The following PCDHGA4 variants were observed in gnomAD, a reference collection of about 807,000 sequenced individuals.
The protein encoded by PCDHGA4 is protocadherin gamma subfamily A, 4, also known as protocadherin gamma-A4.
PCDHGA4 carries 38 observed loss-of-function variants against 54.6 expected under a neutral mutation model. That is an observed-to-expected ratio of 0.70 (90% CI 0.54 to 0.91). The LOEUF is 0.91. Among genes scored for constraint, PCDHGA4 ranks in the 40% least tolerant of loss-of-function variants. The pLI is 0.00. For missense variants in PCDHGA4, 1,298 were observed against 1,220.9 expected (o/e 1.06, Z -0.94); for synonymous variants, 511 against 512.9 (o/e 1.00, Z 0.05).
intron 1 of PCDHGA4, chr5:141,360,800 A>G: frequency 6.2e-7 from 1 of 1,613,960 alleles, no homozygotes. Context: ...GACCCACCTC[A>G]AAGTGGCACG....
At chr5:141,392,693 C>T (rs1315405629) in intron 1 of PCDHGA4, 5 of 1,161,626 alleles carry the variant, frequency 4.3e-6, no homozygotes, top group Non-Finnish European at 5.8e-6. Context: ...GAAACCCGAC[C>T]CCTGTTTGGA....
chr5:141,415,654 A>G, intron 1 of PCDHGA4: 1 of 1,573,242 alleles, frequency 6.4e-7, no homozygotes. Flanking sequence ...AAAAAAAAAG[A>G]TTGGTTTTTA....
chr5:141,375,973 C>T (rs577451422), intron 1 of PCDHGA4: 6 of 1,613,256 alleles, frequency 3.7e-6, no homozygotes, highest in Non-Finnish European at 4.2e-6. Context: ...GCACGGCGCG[C>T]GCCCTGCTGG....
intron 1 of PCDHGA4, chr5:141,428,113 T>A: frequency 6.2e-7 from 1 of 1,607,492 alleles, no homozygotes; most frequent in Non-Finnish European, 8.5e-7. Flanking sequence ...CTGCAGGCCA[T>A]CGAGCCCGGG....
Position 141,491,995 on chromosome 5 carries a change from G to C in PCDHGA4, c.2515-2812G>C, listed in dbSNP as rs76332593. On this transcript the variant is annotated intron_variant, in intron 1 of 3. Transcript: ENST00000571252. The surrounding 1 kb of genome is among the most constrained non-coding windows in gnomAD (Gnocchi z 6.9). ...CTCCTTCGAGCTTCCGGTGAATTTC[G>C]GGCGATTTCCGCGGGTGTCGGGGGT... is the stretch of plus-strand genomic sequence containing the variant. 0.033 allele frequency: 22,941 copies of C among 696,644 alleles called. 426 individuals carry two copies. The highest frequency in any genetic ancestry group is 0.093 in the Middle Eastern group (249 of 2,666). The allele number at this position is 696,644 out of a possible 1,614,324, so 43.2% of individuals were successfully genotyped here. A position where few individuals can be genotyped will look rare whatever the true frequency, so the allele number is the denominator to read the frequency against.
rs115568443 is a variant in PCDHGA4 at position 141,439,423 on chromosome 5, A to G, written c.2515-55384A>G. On this transcript the variant is annotated intron_variant, in intron 1 of 3. Coordinates refer to ENST00000571252, the MANE Select transcript of PCDHGA4 (RefSeq NM_018917.4). ...TGTGCTAACATCACTGAGGTTATAA[A>G]TTCCCAGGAATATTTTATTGCGGGA... 1.0e-2 allele frequency among the ~76,000 whole-genome samples: 1,522 copies of G among 152,306 alleles called. 34 individuals carry two copies. Among genetic ancestry groups the G allele is most frequent in the African/African-American group, 0.034 (1,425 of 41,558 alleles).
At chr5:141,361,813 C>T in intron 1 of PCDHGA4, 1 of 1,613,122 alleles carries the variant, frequency 6.2e-7, no homozygotes, top group Non-Finnish European at 8.5e-7. Context: ...TGACAATGCG[C>T]CACGGGTGCT....
In PCDHGA4 at chr5:141,439,058, TGGCA is replaced by T. The variant is rs1241503235; in HGVS notation, c.2515-55745_2515-55742del. On this transcript the variant is annotated intron_variant, in intron 1 of 3. Transcript: ENST00000571252. ...CAGTTCATAAGATTTCCATATTGTG[TGGCA>T]GGCGCCTGTAATCCCAGCTACTCAG... 2.0e-5 allele frequency among the ~76,000 whole-genome samples: 3 copies of T among 151,580 alleles called. No individual in the cohort carries two copies. The East Asian group carries it at 5.9e-4, about 30-fold the overall frequency.
intron 1 of PCDHGA4, chr5:141,426,390 C>T (rs1211244710): frequency 7.9e-6 from 2 of 252,180 alleles, no homozygotes; most frequent in African/African-American, 4.4e-5. Flanking sequence ...AGATCCGCTA[C>T]TCTATTCCAG....
chr5:141,383,662 G>A (rs780831620), intron 1 of PCDHGA4: 10 of 1,614,042 alleles, frequency 6.2e-6, no homozygotes, highest in South Asian at 1.1e-5. Flanking sequence ...CCCCGAGAAT[G>A]TGCCAGTGGG....
chr5:141,370,617 T>C lies in PCDHGA4; in HGVS notation c.2514+12996T>C, dbSNP rs1767063471. 3 of 1,613,958 alleles carry C rather than the reference T, an allele frequency of 1.9e-6. No individual in the cohort carries two copies. The South Asian group carries it at 3.3e-5, about 18-fold the overall frequency. ...GCGGGTTATTGCAGAGAAGAAATTCTTTACCGTGAGCCCCGAAAATGGGAA... is the reference window on the plus strand; with the variant it reads ...GCGGGTTATTGCAGAGAAGAAATTCCTTACCGTGAGCCCCGAAAATGGGAA... On this transcript the variant is annotated intron_variant, in intron 1 of 3. Coordinates refer to ENST00000571252, the MANE Select transcript of PCDHGA4 (RefSeq NM_018917.4).
rs1487270083 is a variant in PCDHGA4, at chr5:141,402,944, G to T, written c.2514+45323G>T. ...GATCCTTTTGAGAAAATTCCAAAGC[G>T]AGGCAGCAATGGCAGCTCCAACCAA... is the stretch of plus-strand genomic sequence containing the variant. On this transcript the variant is annotated intron_variant, in intron 1 of 3. Transcript: ENST00000571252. The T allele has an allele frequency of 3.8e-6, 6 of 1,592,018 alleles. No individual in the cohort carries two copies. The African/African-American group carries it at 8.1e-5, about 22-fold the overall frequency.
chr5:141,481,781 G>A (rs957054361), intron 1 of PCDHGA4, among the ~76,000 whole-genome samples: 3 of 151,998 alleles, frequency 2.0e-5, no homozygotes, highest in Admixed American at 6.6e-5. Context: ...GTGAAACCCC[G>A]TCTCTACTAA....
chr5:141,404,722 G>C (rs1335640902), intron 1 of PCDHGA4: 2 of 1,614,138 alleles, frequency 1.2e-6, no homozygotes, highest in South Asian at 1.1e-5. Flanking sequence ...TGGTGACCAA[G>C]GTGGTGGCAG....
In PCDHGA4 at chr5:141,476,966, G is replaced by C. The variant is rs780645226; in HGVS notation, c.2515-17841G>C. The C allele has an allele frequency of 1.2e-6, 2 of 1,614,152 alleles. No homozygotes were observed. Among genetic ancestry groups the C allele is most frequent in the Non-Finnish European group, 1.7e-6 (2 of 1,180,032 alleles). On this transcript the variant is annotated intron_variant, in intron 1 of 3. Coordinates refer to ENST00000571252, the MANE Select transcript of PCDHGA4 (RefSeq NM_018917.4). This position sits in a 1 kb window ranked among gnomAD's most constrained non-coding sequence, Gnocchi z 7.6. ...CAACGGTGAAATTATTTACTCCTTCGGCAGCCACAACCGCGCCGGCGTGCG... is the reference window on the plus strand; with the variant it reads ...CAACGGTGAAATTATTTACTCCTTCCGCAGCCACAACCGCGCCGGCGTGCG...
intron 1 of PCDHGA4, among the ~76,000 whole-genome samples, chr5:141,381,832 T>TTTG (rs1185630457): frequency 7.4e-6 from 1 of 135,134 alleles, no homozygotes; most frequent in Non-Finnish European, 1.6e-5. Flanking sequence ...TCTTCTTTTT[T>TTTG]TTTTTTTTTT....
chr5:141,433,204 C>CT, intron 1 of PCDHGA4: 2 of 1,566,944 alleles, frequency 1.3e-6, no homozygotes, highest in Admixed American at 2.0e-5. Flanking sequence ...ATCAAATCTT[C>CT]TTTCTTTTTT....
At position 141,391,015 on chromosome 5, in the gene PCDHGA4, CAAAGA is replaced by C. The variant is rs1353502690; in HGVS notation, c.2514+33400_2514+33404del. On this transcript the variant is annotated intron_variant, in intron 1 of 3. Transcript: ENST00000571252. ...TTCAAGCTCATTCTATATCCTTCAT[CAAAGA>C]AAAGACAATGTTTTGTGTCTGTTGT... 3.3e-5 allele frequency: 5 copies of C among 152,166 alleles called. No individual in the cohort carries two copies. The East Asian group carries it at 9.6e-4, about 29-fold the overall frequency. The allele number at this position is 152,166 out of a possible 1,614,324, so 9.4% of individuals were successfully genotyped here. A position where few individuals can be genotyped will look rare whatever the true frequency, so the allele number is the denominator to read the frequency against.
At chr5:141,503,325 G>A (rs1002520312) in intron 2 of PCDHGA4, among the ~76,000 whole-genome samples, 10 of 152,104 alleles carry the variant, frequency 6.6e-5, no homozygotes, top group East Asian at 1.9e-4. Flanking sequence ...GGAGGGGCGC[G>A]GTGGCTCACG....
Sources: allele counts gnomAD v4.1 joint callset (sites outside exome capture counted in the v4.1 genomes callset), GRCh38; gene constraint gnomAD v4.1.1; non-coding constraint Gnocchi (gnomAD v3.1); transcripts MANE v1.5; gene names NCBI Gene and HGNC (gene_info 2026-07-23, HGNC 2026-07-21).